The following MARK3 variants were observed in gnomAD, a reference collection of about 807,000 sequenced individuals.
MARK3 encodes microtubule affinity regulating kinase 3.
A neutral mutation model predicts 90.1 loss-of-function variants in MARK3; 46 were observed. The ratio of observed to expected loss-of-function variants is 0.51; its 90% CI spans 0.40 to 0.65. The LOEUF is 0.65. MARK3 is among the 30% of genes least tolerant of loss of function. The probability of loss-of-function intolerance (pLI) is 0.00; values close to 1 mark genes in which losing one functional copy is unlikely to be tolerated. For missense variants in MARK3, 818 were observed against 947.2 expected (o/e 0.86, Z 1.79); for synonymous variants, 321 against 332.6 (o/e 0.97, Z 0.38).
chr14:103,455,248 T>TA (rs2093249552), intron 5 of MARK3, among the ~76,000 whole-genome samples: 1 of 152,240 alleles, frequency 6.6e-6, no homozygotes, highest in Admixed American at 6.5e-5. Flanking sequence ...TCCTATATGA[T>TA]ATTCACTCAT....
chr14:103,431,417 G>T (rs1373178784), intron 3 of MARK3, among the ~76,000 whole-genome samples: 1 of 152,108 alleles, frequency 6.6e-6, no homozygotes, highest in Admixed American at 6.5e-5. Flanking sequence ...GATCACTTGA[G>T]GTCAGGAGTT....
Position 103,492,021 on chromosome 14 carries a change from A to G in MARK3, c.1831A>G (p.Lys611Glu). ...TAATCTCTTTAGTAAATTAACTTCA[A>G]AACTCACAAGGAGGTAAGTGCTAGG... ...STNLFSKLTS[K>E]LTRRNMSFRF... Residue 611 changes from lysine to glutamate, a missense_variant, in exon 15 of 18, where the codon AAA (lysine) becomes GAA (glutamate). Lys to Glu is a moderately conservative substitution (Grantham distance 56). Coordinates refer to ENST00000429436, the MANE Select transcript of MARK3 (RefSeq NM_001128918.3). 1 of 1,614,200 alleles carries G rather than the reference A, an allele frequency of 6.2e-7. No homozygotes were observed. The highest frequency in any genetic ancestry group is 1.3e-5 in the African/African-American group (1 of 75,062).
intron 4 of MARK3, among the ~76,000 whole-genome samples, chr14:103,450,986 A>G (rs2093133273): frequency 7.8e-6 from 1 of 128,352 alleles, no homozygotes; most frequent in Non-Finnish European, 1.6e-5. Context: ...GCTGGAGTGC[A>G]GTGGCATGAT....
intron 2 of MARK3, among the ~76,000 whole-genome samples, chr14:103,411,790 T>G (rs1459232547): frequency 1.3e-5 from 2 of 151,964 alleles, no homozygotes; most frequent in Non-Finnish European, 2.9e-5. Context: ...GCCCAGCTAA[T>G]TTTTGTATTT....
At chr14:103,462,559 C>A (rs2093423062) in intron 7 of MARK3, 98 bp downstream of exon 7, 1 of 762,622 alleles carries the variant, frequency 1.3e-6, no homozygotes, top group Non-Finnish European at 2.0e-6. Flanking sequence ...GCCTTATTAG[C>A]ATTTTTTAAA....
chr14:103,502,916 A>C lies in MARK3; in HGVS notation c.1951A>C (p.Lys651Gln), dbSNP rs188709144. The change falls in exon 18 of 18, where the codon AAA becomes CAA. Residue 651 changes from lysine to glutamine, a missense_variant. Coordinates refer to ENST00000429436, the MANE Select transcript of MARK3 (RefSeq NM_001128918.3). Reference sequence around the variant, plus strand: ...ATCTGCTGAGCAAAAAGATGAAAACAAAGAAGCAAAGCCTCGATCCCTACG... The same window carrying C: ...ATCTGCTGAGCAAAAAGATGAAAACCAAGAAGCAAAGCCTCGATCCCTACG... ...NVSAEQKDEN[K>Q]EAKPRSLRFT... 3,183 of 1,612,942 alleles carry C rather than the reference A, an allele frequency of 2.0e-3. 5 individuals carry two copies. The highest frequency in any genetic ancestry group is 2.3e-3 in the Non-Finnish European group (2,704 of 1,178,998).
intron 3 of MARK3, among the ~76,000 whole-genome samples, chr14:103,438,040 G>GC (rs1181429539): frequency 6.6e-6 from 1 of 151,990 alleles, no homozygotes; most frequent in Non-Finnish European, 1.5e-5. Context: ...TGCTCTTGTT[G>GC]CCCAGGCTGG....
chr14:103,459,234 G>A (rs1347150054), intron 6 of MARK3, among the ~76,000 whole-genome samples: 1 of 152,152 alleles, frequency 6.6e-6, no homozygotes, highest in Non-Finnish European at 1.5e-5. Flanking sequence ...CCCAGCAAGA[G>A]CTTACTAACC....
At chr14:103,399,513 C>A (rs939943344) in intron 1 of MARK3, among the ~76,000 whole-genome samples, 1 of 151,724 alleles carries the variant, frequency 6.6e-6, no homozygotes, top group East Asian at 1.9e-4. Flanking sequence ...ATCGAGACCA[C>A]GGTGAAACCT....
intron 3 of MARK3, among the ~76,000 whole-genome samples, chr14:103,448,138 GC>G (rs1166715353): frequency 1.3e-5 from 2 of 152,186 alleles, no homozygotes; most frequent in Non-Finnish European, 2.9e-5. Context: ...TTTGGCAGGG[GC>G]TGGATGCAGT....
At chr14:103,460,958 T>G (rs2093389613) in intron 6 of MARK3, among the ~76,000 whole-genome samples, 1 of 152,246 alleles carries the variant, frequency 6.6e-6, no homozygotes, top group Non-Finnish European at 1.5e-5. Context: ...GGTCTGATAT[T>G]CTGAATGTTA....
At chr14:103,485,520 G>A (rs886950611) in intron 14 of MARK3, among the ~76,000 whole-genome samples, 2 of 152,022 alleles carry the variant, frequency 1.3e-5, no homozygotes, top group African/African-American at 2.4e-5. Context: ...GGATCCTCCA[G>A]TCTCAGCCTT....
intron 1 of MARK3, among the ~76,000 whole-genome samples, chr14:103,386,977 G>C (rs1202759355): frequency 1.3e-5 from 2 of 152,194 alleles, no homozygotes; most frequent in Non-Finnish European, 2.9e-5. Flanking sequence ...TTCTAACTCT[G>C]TTCTCCTCTA....
intron 3 of MARK3, among the ~76,000 whole-genome samples, chr14:103,443,525 A>C (rs959432131): frequency 4.6e-5 from 7 of 152,156 alleles, no homozygotes; most frequent in African/African-American, 1.7e-4. Context: ...ATTAAAAAGG[A>C]GGGGAAAAGA....
chr14:103,437,567 C>T lies in MARK3; in HGVS notation c.297+9127C>T, dbSNP rs111978449. On this transcript the variant is annotated intron_variant, in intron 3 of 17. Transcript: ENST00000429436. ...CCTTCCAAGGAGCTGGGATTACAGG[C>T]ACACACCACCATACCCAGCTAAAGT... Among the ~76,000 whole-genome samples the T allele has an allele frequency of 1.3e-3, 204 of 152,296 alleles. 1 individual carries two copies. The highest frequency in any genetic ancestry group is 4.7e-3 in the African/African-American group (195 of 41,550).
intron 1 of MARK3, among the ~76,000 whole-genome samples, chr14:103,386,813 T>C (rs1170376515): frequency 6.6e-6 from 1 of 152,222 alleles, no homozygotes; most frequent in Non-Finnish European, 1.5e-5. Context: ...TTAGATGAGC[T>C]CTTAGGTCCC....
intron 13 of MARK3, among the ~76,000 whole-genome samples, chr14:103,480,036 G>A (rs768891114): frequency 2.6e-5 from 4 of 152,034 alleles, no homozygotes; most frequent in Non-Finnish European, 4.4e-5. Flanking sequence ...CAGGAGAATC[G>A]CTTGAACCCA....
intron 15 of MARK3, among the ~76,000 whole-genome samples, chr14:103,492,583 A>C (rs1330014896): frequency 6.6e-6 from 1 of 152,222 alleles, no homozygotes; most frequent in Non-Finnish European, 1.5e-5. Context: ...TTTTGGAGAT[A>C]AAATCTCTGG....
chr14:103,387,745 G>A (rs1350738215), intron 1 of MARK3, among the ~76,000 whole-genome samples: 1 of 151,952 alleles, frequency 6.6e-6, no homozygotes, highest in East Asian at 1.9e-4. Flanking sequence ...CACCCGCCTC[G>A]GCTCCCCAAA....
Sources: gnomAD v4.1 joint callset for allele counts (sites outside exome capture counted in the v4.1 genomes callset) on GRCh38, gnomAD v4.1.1 for gene constraint, MANE v1.5 for transcripts, NCBI Gene and HGNC (gene_info 2026-07-23, HGNC 2026-07-21) for gene names.